DOCK7: variants seen among roughly 807,000 people sequenced by gnomAD.
DOCK7 encodes dedicator of cytokinesis protein 7.
A neutral mutation model predicts 271.0 loss-of-function variants in DOCK7; 138 were observed. The observed-to-expected ratio is 0.51, with a 90% CI of 0.44 to 0.59. The LOEUF is 0.59. DOCK7 is among the 20% of genes least tolerant of loss of function. DOCK7 has a pLI of 0.00. For synonymous variants in DOCK7, 823 were observed against 876.1 expected (o/e 0.94, Z 1.07); for missense variants, 2,066 against 2,592.4 (o/e 0.80, Z 4.41).
chr1:62,523,146 T>C (rs1644901442), intron 31 of DOCK7, among the ~76,000 whole-genome samples: 1 of 152,056 alleles, frequency 6.6e-6, no homozygotes, highest in African/African-American at 2.4e-5. Flanking sequence ...TTTTAACAGG[T>C]TTATTGGTTT....
rs758712631 is a variant in DOCK7, at chr1:62,539,599, C to A, written c.3246G>T (p.Leu1082Phe). 1.3e-5 allele frequency: 21 copies of A among 1,613,904 alleles called. No homozygotes were observed. The highest frequency in any genetic ancestry group is 1.7e-5 in the Non-Finnish European group (20 of 1,179,916). ...AAACAAATCCTCTGTCCATAACAGA[C>A]AACAGATCATTGAGAAAGAATGCAA... ...TSLAFFLNDL[L>F]SVMDRGFVFS... Residue 1082 changes from leucine to phenylalanine, a missense_variant, in exon 27 of 50, where the codon TTG becomes TTT. Leu to Phe is a conservative substitution (Grantham distance 22). Transcript: ENST00000635253.
intron 18 of DOCK7, among the ~76,000 whole-genome samples, chr1:62,574,491 A>G (rs1346738783): frequency 6.6e-6 from 1 of 152,216 alleles, no homozygotes; most frequent in East Asian, 1.9e-4. Context: ...CATAGACACC[A>G]GACTGGAGGA....
At chr1:62,573,935 A>AC (rs1249073425) in intron 18 of DOCK7, among the ~76,000 whole-genome samples, 25 of 152,202 alleles carry the variant, frequency 1.6e-4, no homozygotes, top group African/African-American at 6.0e-4. Context: ...AAGCATTTTT[A>AC]CCATAATTTT....
chr1:62,636,030 A>C (rs1655225005), intron 8 of DOCK7, among the ~76,000 whole-genome samples: 1 of 152,178 alleles, frequency 6.6e-6, no homozygotes, highest in East Asian at 1.9e-4. Context: ...AGATGGGCGG[A>C]TCACGAGGTC....
chr1:62,670,866 A>G (rs1342386167), intron 1 of DOCK7, among the ~76,000 whole-genome samples: 1 of 152,064 alleles, frequency 6.6e-6, no homozygotes, highest in South Asian at 2.1e-4. Context: ...CCCCTTCCAC[A>G]CTGTGGAAGC....
chr1:62,670,594 A>C (rs1382813392), intron 1 of DOCK7, among the ~76,000 whole-genome samples: 1 of 152,108 alleles, frequency 6.6e-6, no homozygotes, highest in African/African-American at 2.4e-5. Context: ...TGTTTAGCTC[A>C]AGGTTTGTGA....
At chr1:62,669,810 C>T (rs1659727509) in intron 1 of DOCK7, among the ~76,000 whole-genome samples, 4 of 152,380 alleles carry the variant, frequency 2.6e-5, no homozygotes, top group Admixed American at 2.6e-4. Flanking sequence ...CCCTTCAGTC[C>T]CCCACTGCAC....
chr1:62,532,814 G>T (rs1645218656), intron 29 of DOCK7, among the ~76,000 whole-genome samples: 1 of 152,206 alleles, frequency 6.6e-6, no homozygotes, highest in South Asian at 2.1e-4. Flanking sequence ...AATGAGCTTG[G>T]TGCATTAGAG....
chr1:62,633,607 A>T (rs1416831868), intron 9 of DOCK7, 29 bp from the exon 10 acceptor site: 1 of 1,499,270 alleles, frequency 6.7e-7, no homozygotes, highest in Non-Finnish European at 9.2e-7. Context: ...GTTAAGATTA[A>T]GCTTTTAAAA....
At position 62,513,839 on chromosome 1, in the gene DOCK7, T is replaced by C. The variant is rs1359084505; in HGVS notation, c.3996A>G (p.Leu1332=). The stretch of plus-strand genomic sequence containing the variant: ...CATCTGCATTTTTGAGAACCCAAAG[T>C]AGACAGATCAAAAGGCTTCGACTTG... ...AESSRSLLIC[L]LWVLKNADET... is the part of the protein sequence containing the mutation. Residue 1332 remains leucine (L), a synonymous_variant, in exon 32 of 50, where the codon CTA becomes CTG. Coordinates refer to ENST00000635253, the MANE Select transcript of DOCK7 (RefSeq NM_001367561.1). 1.9e-6 allele frequency: 3 copies of C among 1,613,998 alleles called. No individual in the cohort carries two copies. Among genetic ancestry groups the C allele is most frequent in the Non-Finnish European group, 1.7e-6 (2 of 1,179,998 alleles).
At chr1:62,643,409 AC>A (rs1215025500) in intron 7 of DOCK7, among the ~76,000 whole-genome samples, 1 of 152,230 alleles carries the variant, frequency 6.6e-6, no homozygotes, top group Non-Finnish European at 1.5e-5. Flanking sequence ...TTTGTGGTCA[AC>A]AATTATTTTC....
intron 1 of DOCK7, among the ~76,000 whole-genome samples, chr1:62,683,418 TA>T (rs1661387300): frequency 6.6e-6 from 1 of 152,178 alleles, no homozygotes; most frequent in South Asian, 2.1e-4. Context: ...TCTGAGGTGT[TA>T]AATAAGTCGA....
chr1:62,624,983 C>CAA, intron 12 of DOCK7: 2 of 212,040 alleles, frequency 9.4e-6, no homozygotes, highest in Non-Finnish European at 9.1e-6. Flanking sequence ...GAAAAAAAAA[C>CAA]AAAAAAAAAC....
At chr1:62,460,770 C>T (rs1302469010) in intron 48 of DOCK7, among the ~76,000 whole-genome samples, 1 of 152,094 alleles carries the variant, frequency 6.6e-6, no homozygotes, top group East Asian at 1.9e-4. Flanking sequence ...GATCCTTCCA[C>T]CTTAGCCTCC....
At chr1:62,604,437 C>A in intron 14 of DOCK7, 1 of 893,792 alleles carries the variant, frequency 1.1e-6, no homozygotes. Context: ...CTCAGATTTT[C>A]TATTTTTTGG....
intron 48 of DOCK7, among the ~76,000 whole-genome samples, chr1:62,462,070 CAAAAAAA>C (rs71662374): frequency 7.5e-6 from 1 of 133,824 alleles, no homozygotes; most frequent in African/African-American, 2.7e-5. Context: ...AAACTCATCT[CAAAAAAA>C]AAAAAAATTA....
intron 1 of DOCK7, among the ~76,000 whole-genome samples, chr1:62,671,010 G>A (rs36059289): frequency 1.2e-3 from 185 of 151,680 alleles, no homozygotes; most frequent in Non-Finnish European, 2.1e-3. Flanking sequence ...CGAGCCCACC[G>A]GGAGGAACGA....
chr1:62,648,624 A>G, intron 4 of DOCK7, 80 bp from the exon 5 acceptor site: 1 of 743,482 alleles, frequency 1.3e-6, no homozygotes, highest in South Asian at 4.6e-5. Context: ...ATTATGTAAT[A>G]AGCCAAGTGT....
chr1:62,550,502 C>G (rs1467122481), intron 22 of DOCK7, among the ~76,000 whole-genome samples: 4 of 151,950 alleles, frequency 2.6e-5, no homozygotes, highest in Non-Finnish European at 5.9e-5. Context: ...CCTGGGAGAA[C>G]AGGAAAGTGA....
Sources: allele counts gnomAD v4.1 joint callset (sites outside exome capture counted in the v4.1 genomes callset), GRCh38; gene constraint gnomAD v4.1.1; transcripts MANE v1.5; gene names NCBI Gene and HGNC (gene_info 2026-07-23, HGNC 2026-07-21).